Variants in NTRK2 observed in about 807,000 individuals in gnomAD.
NTRK2 encodes the protein BDNF/NT-3 growth factors receptor.
Under a neutral mutation model 94.5 loss-of-function variants are expected in NTRK2, and 13 were observed. That is an observed-to-expected ratio of 0.14 (90% CI 0.09 to 0.22). The LOEUF (loss-of-function observed/expected upper bound fraction) is 0.22. Among genes scored for constraint, NTRK2 ranks in the 10% least tolerant of loss-of-function variants. The pLI is 1.00. For synonymous variants in NTRK2, 372 were observed against 407.4 expected (o/e 0.91, Z 1.05); for missense variants, 639 against 1,071.2 (o/e 0.60, Z 5.63).
chr9:84,893,743 A>T (rs945180821), intron 14 of NTRK2, among the ~76,000 whole-genome samples: 2 of 152,192 alleles, frequency 1.3e-5, no homozygotes, highest in Non-Finnish European at 2.9e-5. Flanking sequence ...AGAGGGGAGA[A>T]TGGTGTGTAT....
intron 16 of NTRK2, among the ~76,000 whole-genome samples, chr9:84,953,544 G>A (rs1260155554): frequency 2.0e-5 from 3 of 152,348 alleles, no homozygotes; most frequent in Non-Finnish European, 4.4e-5. Context: ...TTCTTACCTT[G>A]AGTAGGTGCT....
At chr9:84,742,789 GTTTTTTTTTTT>G (rs757253032) in intron 10 of NTRK2, among the ~76,000 whole-genome samples, 3 of 103,682 alleles carry the variant, frequency 2.9e-5, no homozygotes, top group East Asian at 2.8e-4. Context: ...CATTATATTA[GTTTTTTTTTTT>G]TTTTTTTTTT....
chr9:84,731,360 T>G (rs1481917732), intron 9 of NTRK2, among the ~76,000 whole-genome samples: 2 of 152,024 alleles, frequency 1.3e-5, no homozygotes, highest in African/African-American at 4.8e-5. Flanking sequence ...TGCTTGAGCC[T>G]GGGAGGCGGA....
intron 2 of NTRK2, among the ~76,000 whole-genome samples, chr9:84,701,757 G>A (rs1471333978): frequency 6.6e-6 from 1 of 152,214 alleles, no homozygotes; most frequent in Non-Finnish European, 1.5e-5. Context: ...GGGGAAATAT[G>A]TGACTTTTCT....
intron 14 of NTRK2, among the ~76,000 whole-genome samples, chr9:84,879,757 G>A (rs929548210): frequency 6.6e-6 from 1 of 152,146 alleles, no homozygotes; most frequent in Admixed American, 6.5e-5. Flanking sequence ...TTCTAACTCA[G>A]CAAGAGGAAT....
intron 17 of NTRK2, among the ~76,000 whole-genome samples, chr9:84,960,003 A>T (rs1392555684): frequency 6.6e-6 from 1 of 152,248 alleles, no homozygotes; most frequent in Non-Finnish European, 1.5e-5. Context: ...CTTGGGCTTC[A>T]GCTTTATGTT....
chr9:84,736,861 C>T (rs1331099716), intron 9 of NTRK2, among the ~76,000 whole-genome samples: 1 of 152,170 alleles, frequency 6.6e-6, no homozygotes. Flanking sequence ...AGAAAGGAAA[C>T]CAGATATTGC....
chr9:84,718,672 A>G (rs2061867190), intron 6 of NTRK2, among the ~76,000 whole-genome samples: 1 of 152,204 alleles, frequency 6.6e-6, no homozygotes, highest in Non-Finnish European at 1.5e-5. Flanking sequence ...CTTTTACAGT[A>G]GAGCTAGCAG....
intron 14 of NTRK2, among the ~76,000 whole-genome samples, chr9:84,868,962 CT>C (rs2075718574): frequency 6.6e-6 from 1 of 152,148 alleles, no homozygotes. Flanking sequence ...CAAAAAGTTG[CT>C]TTCCTTTGTG....
chr9:85,004,715 T>C lies in NTRK2; in HGVS notation c.2173-15491T>C, dbSNP rs542861001. Among the ~76,000 whole-genome samples the C allele has an allele frequency of 2.6e-5, 4 of 152,298 alleles. No homozygotes were observed. In the South Asian group the frequency reaches 6.2e-4, roughly 24 times the overall value. On this transcript the variant is annotated intron_variant, in intron 17 of 18. Coordinates refer to ENST00000277120, the MANE Select transcript of NTRK2 (RefSeq NM_006180.6). The stretch of plus-strand genomic sequence containing the variant: ...TTAAGGACTTCAGGGCTATGAGATC[T>C]TCTCTCTTCTTCCCAGGATACCATA...
At chr9:84,744,644 G>A (rs1424961788) in intron 10 of NTRK2, among the ~76,000 whole-genome samples, 1 of 152,098 alleles carries the variant, frequency 6.6e-6, no homozygotes, top group African/African-American at 2.4e-5. Flanking sequence ...GTAGATGATC[G>A]ATTCCCTGTC....
chr9:84,789,352 G>A (rs1347983358), intron 12 of NTRK2, among the ~76,000 whole-genome samples: 1 of 152,176 alleles, frequency 6.6e-6, no homozygotes, highest in Admixed American at 6.5e-5. Context: ...AATTGTATCT[G>A]CTCCAGATCT....
intron 9 of NTRK2, among the ~76,000 whole-genome samples, chr9:84,738,721 G>A (rs1400888898): frequency 6.6e-6 from 1 of 152,132 alleles, no homozygotes; most frequent in African/African-American, 2.4e-5. Context: ...TATACTGAGA[G>A]GTGTTTATTT....
At chr9:84,974,154 T>TTG (rs1826517295) in intron 17 of NTRK2, among the ~76,000 whole-genome samples, 2 of 152,188 alleles carry the variant, frequency 1.3e-5, no homozygotes, top group African/African-American at 4.8e-5. Context: ...TTCTGGATGT[T>TTG]TGTGTGTGTG....
chr9:84,723,588 A>G lies in NTRK2; in HGVS notation c.599A>G (p.Asn200Ser). Residue 200 changes from asparagine to serine, a missense_variant, in exon 7 of 19, where the codon AAT (asparagine) becomes AGT (serine). Physicochemically the swap from Asn to Ser is conservative, Grantham distance 46. Around this residue, in one of 5 missense-constraint regions of NTRK2, gnomAD observed 206 missense variants for 251.5 expected, o/e 0.82. Coordinates refer to ENST00000277120, the MANE Select transcript of NTRK2 (RefSeq NM_006180.6). ...TGTTCCATAGGTTTGCCATCTGCAA[A>G]TCTGGCCGCACCTAACCTCACTGTG... ...QIPNCGLPSA[N>S]LAAPNLTVEE... is the part of the protein sequence containing the mutation. 1 of 1,614,070 alleles carries G rather than the reference A, an allele frequency of 6.2e-7. No homozygotes were observed.
At chr9:84,992,436 C>T (rs1481356178) in intron 17 of NTRK2, among the ~76,000 whole-genome samples, 1 of 151,754 alleles carries the variant, frequency 6.6e-6, no homozygotes, top group Non-Finnish European at 1.5e-5. Flanking sequence ...GTCCCCAGCC[C>T]CCTTGTAGCC....
At chr9:85,001,366 CAT>C (rs1317950111) in intron 17 of NTRK2, among the ~76,000 whole-genome samples, 1 of 152,214 alleles carries the variant, frequency 6.6e-6, no homozygotes, top group Admixed American at 6.5e-5. Flanking sequence ...GAAAGACTCA[CAT>C]GTCTTTGCCT....
At chr9:84,970,696 C>G (rs983643309) in intron 17 of NTRK2, among the ~76,000 whole-genome samples, 4 of 152,160 alleles carry the variant, frequency 2.6e-5, no homozygotes, top group Non-Finnish European at 5.9e-5. Flanking sequence ...ACCCAAGAGC[C>G]TTGCTGAAAT....
At chr9:84,868,202 GT>G (rs1564408381) in intron 14 of NTRK2, among the ~76,000 whole-genome samples, 1 of 152,124 alleles carries the variant, frequency 6.6e-6, no homozygotes, top group Non-Finnish European at 1.5e-5. Context: ...ATAAGGGGCC[GT>G]GAGGGCTATG....
Sources: gnomAD v4.1 joint callset for allele counts (sites outside exome capture counted in the v4.1 genomes callset) on GRCh38, gnomAD v4.1.1 for gene constraint, gnomAD v4.1.1 regional missense constraint, MANE v1.5 for transcripts, NCBI Gene and HGNC (gene_info 2026-07-23, HGNC 2026-07-21) for gene names.